Variants in GET4 observed in about 807,000 individuals in gnomAD.
The protein encoded by GET4 is guided entry of tail-anchored proteins factor 4.
A neutral mutation model predicts 40.0 loss-of-function variants in GET4; 20 were observed. The observed-to-expected ratio is 0.50, with a 90% CI of 0.35 to 0.73. The LOEUF is 0.73. GET4 is among the 30% of genes least tolerant of loss of function. The probability of loss-of-function intolerance (pLI) is 0.01; values close to 1 mark genes in which losing one functional copy is unlikely to be tolerated. For synonymous variants in GET4, 280 were observed against 194.6 expected (o/e 1.44, Z -3.65); for missense variants, 557 against 454.0 (o/e 1.23, Z -2.06).
rs200049878 is a variant in GET4 at position 892,454 on chromosome 7, G to A, written c.746+36G>A. The A allele has an allele frequency of 9.1e-5, 144 of 1,578,910 alleles. No homozygotes were observed. The African/African-American group carries it at 1.8e-3, about 20-fold the overall frequency. ...GGATCCTGCAGGGGGAGGGGGCTGT[G>A]AATGTGCGGGTTGTGTGTAGACGTG... is the stretch of plus-strand genomic sequence containing the variant. On this transcript the variant is annotated intron_variant, in intron 6 of 8. Transcript: ENST00000265857.
intron 1 of GET4, chr7:882,758 C>G (rs894000467): frequency 6.6e-6 from 1 of 152,476 alleles, no homozygotes; most frequent in African/African-American, 2.4e-5. Flanking sequence ...GGAGTCATCT[C>G]CCAGGCCAAC....
At chr7:876,862 G>GCCGCCTCGCC (rs1165549711) in intron 1 of GET4, 62 bp downstream of exon 1, 10 of 939,802 alleles carry the variant, frequency 1.1e-5, no homozygotes, top group Admixed American at 1.1e-4. Context: ...CATTGGCCGC[G>GCCGCCTCGCC]CCGCCTCGCC....
chr7:885,988 G>A, intron 1 of GET4, 68 bp from the exon 2 acceptor site: 3 of 953,302 alleles, frequency 3.1e-6, no homozygotes, highest in Non-Finnish European at 5.1e-6. Flanking sequence ...CTTCTGACCT[G>A]AAGATGAGCG....
intron 1 of GET4, chr7:883,998 C>A: frequency 8.9e-7 from 1 of 1,126,674 alleles, no homozygotes; most frequent in Non-Finnish European, 1.1e-6. Flanking sequence ...AGGCGCAGTC[C>A]AAACCAGGCC....
intron 8 of GET4, among the ~76,000 whole-genome samples, chr7:894,498 A>G (rs1015542069): frequency 6.6e-6 from 1 of 151,964 alleles, no homozygotes. Context: ...CTCCCCACAG[A>G]TGTCTGCCCT....
At chr7:887,274 A>G (rs775928979) in intron 3 of GET4, 96 bp from the exon 4 acceptor site, 27 of 1,228,064 alleles carry the variant, frequency 2.2e-5, no homozygotes, top group Non-Finnish European at 2.9e-5. Flanking sequence ...CTCCCTGTTA[A>G]GTAGTTGCGA....
intron 6 of GET4, 56 bp downstream of exon 6, chr7:892,474 G>A: frequency 6.4e-7 from 1 of 1,558,636 alleles, no homozygotes; most frequent in South Asian, 1.1e-5. Context: ...GTTGTGTGTA[G>A]ACGTGGTGTG....
intron 8 of GET4, among the ~76,000 whole-genome samples, chr7:894,724 AG>A (rs1166328389): frequency 1.3e-5 from 2 of 152,166 alleles, no homozygotes; most frequent in Non-Finnish European, 2.9e-5. Flanking sequence ...GTCGTGGATA[AG>A]AGAGGGTGAC....
At position 876,735 on chromosome 7, in the gene GET4, G is replaced by T; in HGVS notation, c.90G>T (p.Leu30=). 7.3e-7 allele frequency: 1 copy of T among 1,378,008 alleles called. No homozygotes were observed. The highest frequency in any genetic ancestry group is 9.5e-7 in the Non-Finnish European group (1 of 1,050,854). The allele number at this position is 1,378,008 out of a possible 1,614,324, so 85.4% of individuals were successfully genotyped here. A position where few individuals can be genotyped will look rare whatever the true frequency, so the allele number is the denominator to read the frequency against. The change falls in exon 1 of 9, where the codon CTG becomes CTT. Residue 30 remains leucine, a synonymous_variant. Coordinates refer to ENST00000265857, the MANE Select transcript of GET4 (RefSeq NM_015949.3). ...GCGTCCAGCGTGTGGAGGGCAAGCT[G>T]CGCGCCAGCGTCGAGAAGGGCGACT... ...RGGVQRVEGK[L]RASVEKGDYY...
At chr7:884,261 C>T in intron 1 of GET4, 1 of 1,304,116 alleles carries the variant, frequency 7.7e-7, no homozygotes, top group Non-Finnish European at 1.0e-6. Context: ...TGTCTGGGAG[C>T]TTGTTTTTCC....
In GET4 at chr7:892,435, T is replaced by C; in HGVS notation, c.746+17T>C. On this transcript the variant is annotated intron_variant, in intron 6 of 8. Coordinates refer to ENST00000265857, the MANE Select transcript of GET4 (RefSeq NM_015949.3). ...TGTGGACGGGTGCGTCTTGGGATCCTGCAGGGGGAGGGGGCTGTGAATGTG... is the reference window on the plus strand; with the variant it reads ...TGTGGACGGGTGCGTCTTGGGATCCCGCAGGGGGAGGGGGCTGTGAATGTG... The C allele has an allele frequency of 6.3e-7, 1 of 1,583,012 alleles. No individual in the cohort carries two copies. The highest frequency in any genetic ancestry group is 1.7e-5 in the Admixed American group (1 of 59,562).
chr7:883,567 G>GC, intron 1 of GET4: 2 of 984,746 alleles, frequency 2.0e-6, no homozygotes, highest in African/African-American at 3.5e-5. Context: ...GAGAGCACCA[G>GC]CGCTCACTGG....
At chr7:883,778 C>T (rs191779569) in intron 1 of GET4, 1 of 988,112 alleles carries the variant, frequency 1.0e-6, no homozygotes, top group Admixed American at 6.1e-5. Flanking sequence ...AACCAAAATC[C>T]TTCGCAGCTT....
At chr7:888,374 C>T (rs766426399) in intron 4 of GET4, among the ~76,000 whole-genome samples, 2 of 152,206 alleles carry the variant, frequency 1.3e-5, no homozygotes, top group African/African-American at 2.4e-5. Flanking sequence ...TCATGCGAAA[C>T]GCATGCCCAT....
Position 893,908 on chromosome 7 carries a change from C to T in GET4, c.832C>T (p.Arg278Cys), listed in dbSNP as rs763485148. The change falls in exon 8 of 9, where the codon CGC becomes TGC. Residue 278 changes from arginine to cysteine, a missense_variant. By Grantham distance (180) the Arg-to-Cys change is radical. Coordinates refer to ENST00000265857, the MANE Select transcript of GET4 (RefSeq NM_015949.3). Reference sequence around the variant, plus strand: ...TGCCTGTGCCTTGCAGTACCTCGACCGCATAGGACAGCTGTTCTTCGGCGT... The same window carrying T: ...TGCCTGTGCCTTGCAGTACCTCGACTGCATAGGACAGCTGTTCTTCGGCGT... Reference protein sequence around the residue: ...RDPMYNEYLDRIGQLFFGVPP... With the variant: ...RDPMYNEYLDCIGQLFFGVPP... The T allele has an allele frequency of 1.9e-5, 30 of 1,611,020 alleles. No homozygotes were observed. Among genetic ancestry groups the T allele is most frequent in the East Asian group, 4.5e-5 (2 of 44,812 alleles).
intron 1 of GET4, chr7:883,931 G>A (rs773615942): frequency 8.2e-5 from 87 of 1,061,638 alleles, no homozygotes; most frequent in Middle Eastern, 4.5e-4. Flanking sequence ...TTCTCCTCCC[G>A]TCCTTTTTCC....
intron 3 of GET4, chr7:886,991 G>A (rs1043993177): frequency 7.8e-6 from 4 of 510,814 alleles, no homozygotes; most frequent in Admixed American, 2.9e-5. Context: ...GGTGACGTGC[G>A]GTTGGCAGAG....
At chr7:883,902 G>T (rs1844133213) in intron 1 of GET4, 4 of 1,035,598 alleles carry the variant, frequency 3.9e-6, no homozygotes, top group Non-Finnish European at 4.7e-6. Flanking sequence ...CCAGGCCGGG[G>T]ACCACTGTGT....
chr7:885,737 A>C, intron 1 of GET4: 1 of 322,890 alleles, frequency 3.1e-6, no homozygotes, highest in Non-Finnish European at 5.8e-6. Context: ...TTCCCTGCGC[A>C]CCTGCCCTGC....
Sources: gnomAD v4.1 joint callset for allele counts (sites outside exome capture counted in the v4.1 genomes callset) on GRCh38, gnomAD v4.1.1 for gene constraint, MANE v1.5 for transcripts, NCBI Gene and HGNC (gene_info 2026-07-23, HGNC 2026-07-21) for gene names.